Variants in ERBIN observed in about 807,000 individuals in gnomAD.
ERBIN encodes the protein erbb2 interacting protein.
ERBIN carries 60 observed loss-of-function variants against 158.4 expected under a neutral mutation model. The observed-to-expected ratio is 0.38, with a 90% CI of 0.31 to 0.47. ERBIN has a LOEUF of 0.47. Ranked by LOEUF, ERBIN falls within the 20% of genes least tolerant of loss-of-function variation. The pLI, the probability that ERBIN is intolerant of heterozygous loss-of-function variation, is 0.99. For synonymous variants in ERBIN, 594 were observed against 557.2 expected, an observed-to-expected ratio of 1.07 and a Z score of -0.93; for missense variants, 1,610 against 1,648.0, an observed-to-expected ratio of 0.98 and a Z score of 0.40.
intron 1 of ERBIN, among the ~76,000 whole-genome samples, chr5:65,947,417 T>A (rs979619681): frequency 6.6e-6 from 1 of 152,196 alleles, no homozygotes; most frequent in African/African-American, 2.4e-5. Flanking sequence ...TTCAGTAGAA[T>A]CATTTAAAAT....
At position 66,050,920 on chromosome 5, in the gene ERBIN, T is replaced by C; in HGVS notation, c.2041T>C (p.Cys681Arg). Residue 681 changes from cysteine to arginine, a missense_variant, in exon 20 of 26, where the codon TGC becomes CGC. Physicochemically the swap from Cys to Arg is radical, Grantham distance 180. Around this residue, in one of 2 missense-constraint regions of ERBIN, gnomAD observed 1,014 missense variants for 936.1 expected, o/e 1.08. Coordinates refer to ENST00000284037, the MANE Select transcript of ERBIN (RefSeq NM_001253697.2). ...TGATAGTAGTCAAGACACCTCACTC[T>C]GCTCTCCAGTGAAACAAACTCATAT... ...NTDSSQDTSL[C>R]SPVKQTHIDI... 6.2e-7 allele frequency: 1 copy of C among 1,606,234 alleles called. No individual in the cohort carries two copies. The highest frequency in any genetic ancestry group is 8.5e-7 in the Non-Finnish European group (1 of 1,177,972).
At chr5:65,980,850 A>G (rs924270015) in intron 1 of ERBIN, among the ~76,000 whole-genome samples, 6 of 152,220 alleles carry the variant, frequency 3.9e-5, no homozygotes, top group Non-Finnish European at 5.9e-5. Flanking sequence ...CAAATTTACA[A>G]CTATAGTTAA....
At chr5:65,981,692 A>G (rs1224870175) in intron 1 of ERBIN, among the ~76,000 whole-genome samples, 1 of 152,174 alleles carries the variant, frequency 6.6e-6, no homozygotes, top group Non-Finnish European at 1.5e-5. Context: ...TTCTGTGTTA[A>G]GAATCTCTCC....
At chr5:66,059,519 T>A (rs1760011698) in intron 21 of ERBIN, among the ~76,000 whole-genome samples, 1 of 152,224 alleles carries the variant, frequency 6.6e-6, no homozygotes, top group Non-Finnish European at 1.5e-5. Flanking sequence ...CCTAATTGAA[T>A]ACCCTTTATT....
intron 1 of ERBIN, among the ~76,000 whole-genome samples, chr5:65,930,145 C>A (rs1325723193): frequency 1.3e-5 from 2 of 152,168 alleles, no homozygotes; most frequent in Non-Finnish European, 2.9e-5. Context: ...TCCCTCTTTT[C>A]CAAACTGTTA....
intron 1 of ERBIN, among the ~76,000 whole-genome samples, chr5:65,980,879 G>A (rs935937103): frequency 2.0e-5 from 3 of 152,060 alleles, no homozygotes; most frequent in African/African-American, 4.8e-5. Context: ...TATACTTTTC[G>A]ATAACTTACA....
intron 14 of ERBIN, among the ~76,000 whole-genome samples, chr5:66,031,331 G>T (rs564682470): frequency 6.6e-6 from 1 of 152,296 alleles, no homozygotes; most frequent in South Asian, 2.1e-4. Context: ...CATCCATTTT[G>T]TGATTCTCAG....
chr5:66,051,596 A>G (rs1221006412), intron 20 of ERBIN, among the ~76,000 whole-genome samples: 1 of 152,162 alleles, frequency 6.6e-6, no homozygotes, highest in Non-Finnish European at 1.5e-5. Flanking sequence ...TGTTAGAAAG[A>G]TGGGGATTGG....
At chr5:65,959,895 T>C (rs1003069823) in intron 1 of ERBIN, among the ~76,000 whole-genome samples, 6 of 152,224 alleles carry the variant, frequency 3.9e-5, no homozygotes, top group African/African-American at 7.2e-5. Context: ...TTAGAAAATA[T>C]TGTTAAGGCT....
Position 65,994,786 on chromosome 5 carries a change from C to A in ERBIN, c.229C>A (p.Pro77Thr). The A allele has an allele frequency of 6.2e-7, 1 of 1,607,868 alleles. No individual in the cohort carries two copies. Among genetic ancestry groups the A allele is most frequent in the Non-Finnish European group, 8.5e-7 (1 of 1,178,076 alleles). Reference sequence around the variant, plus strand: ...TCAGTCTTTACACAAACTGAGTTTGCCAGACAATGATTTAACAACGTTACC... The same window carrying A: ...TCAGTCTTTACACAAACTGAGTTTGACAGACAATGATTTAACAACGTTACC... ...NCQSLHKLSLPDNDLTTLPAS... is the reference protein window; with the variant it reads ...NCQSLHKLSLTDNDLTTLPAS... Residue 77 changes from proline (P) to threonine (T), a missense_variant, in exon 4 of 26, where the codon CCA becomes ACA. Physicochemically the swap from Pro to Thr is conservative, Grantham distance 38 (BLOSUM62 -1). Coordinates refer to ENST00000284037, the MANE Select transcript of ERBIN (RefSeq NM_001253697.2).
chr5:65,936,497 G>C (rs1444064060), intron 1 of ERBIN, among the ~76,000 whole-genome samples: 1 of 152,050 alleles, frequency 6.6e-6, no homozygotes, highest in Non-Finnish European at 1.5e-5. Flanking sequence ...TTTTTGATTT[G>C]TCGTGGATAC....
intron 5 of ERBIN, among the ~76,000 whole-genome samples, chr5:66,013,336 C>G (rs1302409138): frequency 6.6e-6 from 1 of 151,928 alleles, no homozygotes; most frequent in Non-Finnish European, 1.5e-5. Context: ...CAAATATTAC[C>G]TCATTTTCTG....
At chr5:65,956,893 A>G (rs991957330) in intron 1 of ERBIN, among the ~76,000 whole-genome samples, 18 of 151,516 alleles carry the variant, frequency 1.2e-4, no homozygotes, top group African/African-American at 4.4e-4. Context: ...CAATACACCC[A>G]AAACGGGGAT....
intron 4 of ERBIN, among the ~76,000 whole-genome samples, chr5:66,000,049 G>A (rs564076921): frequency 1.3e-5 from 2 of 152,216 alleles, no homozygotes; most frequent in East Asian, 3.9e-4. Flanking sequence ...CACTTTAGAA[G>A]TCATCACATC....
Position 66,078,484 on chromosome 5 carries a change from T to A in ERBIN, c.4193T>A (p.Phe1398Tyr). ...CAAGCAGTGTCCTTGCTAAAAACTT[T>A]CCAGAATACAGTTGAACTCATCATT... Reference protein sequence around the residue: ...HGQAVSLLKTFQNTVELIIVR... With the variant: ...HGQAVSLLKTYQNTVELIIVR... The change falls in exon 26 of 26, where the codon TTC (phenylalanine) becomes TAC (tyrosine). Residue 1398 changes from phenylalanine (F) to tyrosine (Y), a missense_variant. Phe to Tyr is a conservative substitution (Grantham distance 22, BLOSUM62 3). Transcript: ENST00000284037. The A allele has an allele frequency of 6.2e-7, 1 of 1,601,128 alleles. No individual in the cohort carries two copies. Among genetic ancestry groups the A allele is most frequent in the South Asian group, 1.1e-5 (1 of 87,542 alleles).
At chr5:66,075,309 T>C (rs1049348762) in intron 23 of ERBIN, 79 bp downstream of exon 23, 4 of 1,156,464 alleles carry the variant, frequency 3.5e-6, no homozygotes, top group Non-Finnish European at 3.8e-6. Flanking sequence ...TATTAGTAAA[T>C]CCATACAGAA....
chr5:65,939,539 C>T (rs554747917), intron 1 of ERBIN, among the ~76,000 whole-genome samples: 7 of 152,008 alleles, frequency 4.6e-5, no homozygotes, highest in African/African-American at 1.7e-4. Flanking sequence ...TCTCCCCCCT[C>T]TCCCTCTCCC....
intron 1 of ERBIN, among the ~76,000 whole-genome samples, chr5:65,943,192 A>G (rs1417582343): frequency 1.3e-5 from 2 of 152,230 alleles, no homozygotes; most frequent in African/African-American, 4.8e-5. Context: ...AATGGCAACA[A>G]TCTGTTCAGT....
chr5:65,954,070 C>T (rs1278585274), intron 1 of ERBIN, among the ~76,000 whole-genome samples: 1 of 152,152 alleles, frequency 6.6e-6, no homozygotes, highest in Non-Finnish European at 1.5e-5. Context: ...AAGAACACAT[C>T]AGTTGGGTTT....
Sources: gnomAD v4.1 joint callset for allele counts (sites outside exome capture counted in the v4.1 genomes callset) on GRCh38, gnomAD v4.1.1 for gene constraint, gnomAD v4.1.1 regional missense constraint, MANE v1.5 for transcripts, NCBI Gene and HGNC (gene_info 2026-07-23, HGNC 2026-07-21) for gene names.